KCNQ5: variants seen among roughly 807,000 people sequenced by gnomAD.
KCNQ5 encodes potassium voltage-gated channel subfamily Q member 5, also known as potassium voltage-gated channel subfamily KQT member 5.
In KCNQ5, 30 loss-of-function variants were observed where a neutral mutation model predicts 98.2. That is an observed-to-expected ratio of 0.31 (90% CI 0.23 to 0.41). The LOEUF is 0.41. Among genes scored for constraint, KCNQ5 ranks in the 10% least tolerant of loss-of-function variants. The pLI is 1.00. For synonymous variants in KCNQ5, 458 were observed against 449.4 expected, an observed-to-expected ratio of 1.02 and a Z score of -0.24; for missense variants, 835 against 1,182.5, an observed-to-expected ratio of 0.71 and a Z score of 4.31.
chr6:72,652,031 A>C (rs927302716), intron 1 of KCNQ5, among the ~76,000 whole-genome samples: 2 of 151,982 alleles, frequency 1.3e-5, no homozygotes, highest in Admixed American at 6.6e-5. Flanking sequence ...AGCTTTATTT[A>C]TCTCTTTTAA....
At chr6:72,798,333 C>T (rs762969684) in intron 1 of KCNQ5, among the ~76,000 whole-genome samples, 7 of 152,122 alleles carry the variant, frequency 4.6e-5, no homozygotes, top group African/African-American at 7.2e-5. Context: ...TAATCCCCAA[C>T]GCAACAATGT....
At chr6:72,701,238 C>G (rs1768789280) in intron 1 of KCNQ5, among the ~76,000 whole-genome samples, 1 of 152,150 alleles carries the variant, frequency 6.6e-6, no homozygotes, top group Admixed American at 6.5e-5. Flanking sequence ...TTTAACAAAA[C>G]AATCAGCCAA....
At chr6:72,899,214 CATTTTAACAAAAAG>C (rs1779378914) in intron 1 of KCNQ5, among the ~76,000 whole-genome samples, 1 of 152,166 alleles carries the variant, frequency 6.6e-6, no homozygotes, top group South Asian at 2.1e-4. Flanking sequence ...ATTTCATTTA[CATTTTAACAAAAAG>C]ATTTTCTCCT....
intron 1 of KCNQ5, among the ~76,000 whole-genome samples, chr6:72,716,059 T>C (rs561595364): frequency 4.1e-4 from 63 of 152,296 alleles, no homozygotes; most frequent in Non-Finnish European, 8.2e-4. Flanking sequence ...ACATAAAAAT[T>C]CCTAATATGT....
At chr6:72,985,175 C>T (rs1768705304) in intron 1 of KCNQ5, among the ~76,000 whole-genome samples, 1 of 152,172 alleles carries the variant, frequency 6.6e-6, no homozygotes, top group Admixed American at 6.5e-5. Context: ...CACTGTACAC[C>T]AGTGTGGGCG....
chr6:73,093,028 A>T (rs1774319855), intron 5 of KCNQ5, among the ~76,000 whole-genome samples: 2 of 152,048 alleles, frequency 1.3e-5, no homozygotes, highest in Admixed American at 6.6e-5. Context: ...CTGTGAATCC[A>T]TCTGGTCCTG....
chr6:72,633,361 C>T (rs147050275), intron 1 of KCNQ5, among the ~76,000 whole-genome samples: 135 of 152,162 alleles, frequency 8.9e-4, no homozygotes, highest in African/African-American at 3.1e-3. Flanking sequence ...ATATTTTCTC[C>T]CATTTTGTAA....
intron 1 of KCNQ5, among the ~76,000 whole-genome samples, chr6:72,871,512 G>C (rs1222184680): frequency 3.3e-5 from 5 of 152,102 alleles, no homozygotes; most frequent in Non-Finnish European, 7.4e-5. Context: ...AATCACTAAA[G>C]AAATAGCTAC....
At chr6:72,894,773 C>A (rs1269583723) in intron 1 of KCNQ5, among the ~76,000 whole-genome samples, 2 of 152,130 alleles carry the variant, frequency 1.3e-5, no homozygotes, top group African/African-American at 4.8e-5. Context: ...AAATTTGGCA[C>A]TCTATGTTGG....
At chr6:73,188,705 C>T (rs983464064) in intron 11 of KCNQ5, among the ~76,000 whole-genome samples, 3 of 152,138 alleles carry the variant, frequency 2.0e-5, no homozygotes, top group African/African-American at 4.8e-5. Flanking sequence ...GACATCTAGG[C>T]CGGGCGCGGT....
At chr6:73,060,647 A>C (rs1772737413) in intron 3 of KCNQ5, among the ~76,000 whole-genome samples, 1 of 152,180 alleles carries the variant, frequency 6.6e-6, no homozygotes, top group South Asian at 2.1e-4. Context: ...CCTACTAAAA[A>C]ATAGAAACTA....
chr6:73,093,191 G>C (rs2350366), intron 5 of KCNQ5, among the ~76,000 whole-genome samples: 1 of 151,978 alleles, frequency 6.6e-6, no homozygotes, highest in African/African-American at 2.4e-5. Flanking sequence ...GTTTATGTGC[G>C]TAATGGTGTT....
intron 1 of KCNQ5, among the ~76,000 whole-genome samples, chr6:72,690,481 G>A (rs1049018226): frequency 4.6e-5 from 7 of 152,046 alleles, no homozygotes; most frequent in Admixed American, 1.3e-4. Context: ...TTCCTATTTA[G>A]GGTTGTGGAC....
intron 2 of KCNQ5, among the ~76,000 whole-genome samples, chr6:73,022,164 A>G (rs751813325): frequency 6.6e-5 from 10 of 152,118 alleles, no homozygotes; most frequent in Non-Finnish European, 1.2e-4. Flanking sequence ...TAATAACCGA[A>G]TGATTCACTA....
At chr6:73,118,143 C>A (rs1388877730) in intron 7 of KCNQ5, among the ~76,000 whole-genome samples, 1 of 152,194 alleles carries the variant, frequency 6.6e-6, no homozygotes, top group Non-Finnish European at 1.5e-5. Context: ...GCATAACCAG[C>A]ACTCAGATAA....
rs528723133 is a variant in KCNQ5 at position 72,756,007 on chromosome 6, A to G, written c.398+133420A>G. On this transcript the variant is annotated intron_variant, in intron 1 of 13. Coordinates refer to ENST00000370398, the MANE Select transcript of KCNQ5 (RefSeq NM_019842.4). ...AGTCTTTCTCATAAGCACCTCACGC[A>G]GGCCTGTGGAAAAGTTTATAAATAA... 5.3e-5 allele frequency among the ~76,000 whole-genome samples: 8 copies of G among 152,280 alleles called. No homozygotes were observed. In the East Asian group the frequency reaches 1.5e-3, roughly 29 times the overall value.
intron 5 of KCNQ5, among the ~76,000 whole-genome samples, chr6:73,098,409 AAGAAGGCTAT>A (rs1774614102): frequency 6.6e-6 from 1 of 152,162 alleles, no homozygotes; most frequent in Non-Finnish European, 1.5e-5. Flanking sequence ...ATTCAAGTAA[AAGAAGGCTAT>A]AGAACACCAA....
chr6:72,693,622 C>T (rs1017073508), intron 1 of KCNQ5, among the ~76,000 whole-genome samples: 9 of 152,264 alleles, frequency 5.9e-5, no homozygotes, highest in African/African-American at 2.2e-4. Context: ...AATTGTAGGA[C>T]TAGCTATTAC....
At chr6:72,994,770 G>A (rs193018747) in intron 1 of KCNQ5, among the ~76,000 whole-genome samples, 2 of 152,228 alleles carry the variant, frequency 1.3e-5, no homozygotes, top group South Asian at 2.1e-4. Context: ...AAAATTGTTG[G>A]CTATTAATAA....
Sources: gnomAD v4.1 joint callset for allele counts (sites outside exome capture counted in the v4.1 genomes callset) on GRCh38, gnomAD v4.1.1 for gene constraint, MANE v1.5 for transcripts, NCBI Gene and HGNC (gene_info 2026-07-23, HGNC 2026-07-21) for gene names.